The following SLC38A8 variants were observed in gnomAD, a reference collection of about 807,000 sequenced individuals.
SLC38A8 encodes the protein solute carrier family 38 member 8.
SLC38A8 carries 65 observed loss-of-function variants against 46.0 expected under a neutral mutation model. The ratio of observed to expected loss-of-function variants is 1.41; its 90% CI spans 1.16 to 1.74. SLC38A8 has a LOEUF of 1.74. Among genes scored for constraint, SLC38A8 ranks in the 40% most tolerant of loss-of-function variants. The pLI, the probability that SLC38A8 is intolerant of heterozygous loss-of-function variation, is 0.00. For synonymous variants in SLC38A8, 447 were observed against 243.7 expected (o/e 1.83, Z -7.77); for missense variants, 998 against 567.9 (o/e 1.76, Z -7.70).
At chr16:84,021,298 C>T (rs1188391291) in intron 7 of SLC38A8, among the ~76,000 whole-genome samples, 2 of 152,174 alleles carry the variant, frequency 1.3e-5, no homozygotes, top group East Asian at 3.8e-4. Flanking sequence ...ATCCTGACCT[C>T]AAGTGATCCA....
chr16:84,022,879 G>C lies in SLC38A8; in HGVS notation c.701C>G (p.Ala234Gly). 2 of 1,603,902 alleles carry C rather than the reference G, an allele frequency of 1.2e-6. No individual in the cohort carries two copies. The highest frequency in any genetic ancestry group is 1.7e-6 in the Non-Finnish European group (2 of 1,176,016). ...TICFGFQCHE[A>G]AVSIYCSMRK... ...CATGCTGCAGTAGATGGAGACGGCA[G>C]CTTCGTGACACTGTAAGACAGAGGG... The change falls in exon 7 of 11, where the codon GCT becomes GGT. Residue 234 changes from alanine (A) to glycine (G), a missense_variant. Coordinates refer to ENST00000299709, the MANE Select transcript of SLC38A8 (RefSeq NM_001080442.3).
At chr16:84,040,903 G>C (rs931266761) in intron 2 of SLC38A8, among the ~76,000 whole-genome samples, 2 of 152,210 alleles carry the variant, frequency 1.3e-5, no homozygotes, top group East Asian at 3.9e-4. Context: ...CCTAGGCCAG[G>C]CACGGGGCAG....
chr16:84,031,783 G>C (rs2085241701), intron 5 of SLC38A8, 84 bp downstream of exon 5: 24 of 1,174,526 alleles, frequency 2.0e-5, no homozygotes, highest in Non-Finnish European at 2.9e-5. Flanking sequence ...AGCCACGAGA[G>C]GCTCCTCCTC....
At chr16:84,012,342 G>C (rs149847269) in intron 10 of SLC38A8, among the ~76,000 whole-genome samples, 2 of 152,208 alleles carry the variant, frequency 1.3e-5, no homozygotes, top group South Asian at 2.1e-4. Context: ...AGGCTCAGTC[G>C]TGTCTGATCC....
intron 5 of SLC38A8, among the ~76,000 whole-genome samples, chr16:84,031,083 C>T (rs977604464): frequency 1.1e-4 from 16 of 152,130 alleles, no homozygotes; most frequent in East Asian, 1.9e-4. Flanking sequence ...CTCTGTTGCC[C>T]AGGCTGGAGT....
At chr16:84,016,772 C>A (rs777875452) in intron 8 of SLC38A8, 45 bp from the exon 9 acceptor site, 6 of 1,578,040 alleles carry the variant, frequency 3.8e-6, no homozygotes, top group Admixed American at 1.7e-5. Flanking sequence ...CTCAGGGGCA[C>A]CAGCCTCCAC....
chr16:84,009,784 T>A lies in SLC38A8; in HGVS notation c.1308A>T (p.Ter436CysextTer33). Residue 436 changes from the stop codon to cysteine (C), a stop_lost, in exon 11 of 11, where the codon TGA (stop) becomes TGT (cysteine). Coordinates refer to ENST00000299709, the MANE Select transcript of SLC38A8 (RefSeq NM_001080442.3). ...STAAAVWEMF[*>C] ...CTTCCTGCCCGGCACTAGCTGCCCA[T>A]CAGAACATCTCCCAGACCGCTGCCG... is the stretch of plus-strand genomic sequence containing the variant. The A allele has an allele frequency of 1.2e-6, 2 of 1,613,456 alleles. No homozygotes were observed. The highest frequency in any genetic ancestry group is 1.1e-5 in the South Asian group (1 of 91,014).
Position 84,033,397 on chromosome 16 carries a change from G to C in SLC38A8, c.461C>G (p.Pro154Arg). The C allele has an allele frequency of 6.2e-7, 1 of 1,613,958 alleles. No homozygotes were observed. Among genetic ancestry groups the C allele is most frequent in the African/African-American group, 1.3e-5 (1 of 75,052 alleles). Residue 154 changes from proline (P) to arginine (R), a missense_variant, in exon 4 of 11, where the codon CCC (proline) becomes CGC (arginine). Physicochemically the swap from Pro to Arg is moderately radical, Grantham distance 103. Coordinates refer to ENST00000299709, the MANE Select transcript of SLC38A8 (RefSeq NM_001080442.3). Reference protein sequence around the residue: ...PWYADQRFTLPLLSVLVILPL... With the variant: ...PWYADQRFTLRLLSVLVILPL... ...CAGGATGACCAGCACGGAGAGCAGG[G>C]GCAGGGTGAAGCGCTGGTCTGCGTA...
chr16:84,021,064 T>C (rs2085089017), intron 7 of SLC38A8, among the ~76,000 whole-genome samples: 3 of 152,086 alleles, frequency 2.0e-5, no homozygotes, highest in Admixed American at 1.3e-4. Flanking sequence ...CATCCTTTTT[T>C]GCCGGCAGGG....
chr16:84,020,297 C>G (rs1003115117), intron 7 of SLC38A8, among the ~76,000 whole-genome samples: 1 of 152,156 alleles, frequency 6.6e-6, no homozygotes, highest in Non-Finnish European at 1.5e-5. Flanking sequence ...GCTCACACCA[C>G]TATGTTCTGC....
intron 2 of SLC38A8, among the ~76,000 whole-genome samples, chr16:84,040,395 C>T (rs1294183015): frequency 1.3e-5 from 2 of 152,208 alleles, no homozygotes; most frequent in African/African-American, 2.4e-5. Context: ...ACAGCTGTTT[C>T]CCCAGAAGCA....
At position 84,022,952 on chromosome 16, in the gene SLC38A8, A is replaced by T. The variant is rs1026502450; in HGVS notation, c.691-63T>A. On this transcript the variant is annotated intron_variant, in intron 6 of 10. Coordinates refer to ENST00000299709, the MANE Select transcript of SLC38A8 (RefSeq NM_001080442.3). ...CCCCTGGAACAGGCGATGCGAAAAA[A>T]AACTCATATCCAAAAGGCGGGAAAT... 4.9e-6 allele frequency: 6 copies of T among 1,229,754 alleles called. No homozygotes were observed. In the Admixed American group the frequency reaches 8.9e-5, roughly 18 times the overall value. 76.2% of individuals were successfully genotyped at this position (1,229,754 alleles called of 1,614,324 possible).
chr16:84,014,524 G>A (rs1474493245), intron 9 of SLC38A8, among the ~76,000 whole-genome samples: 2 of 152,024 alleles, frequency 1.3e-5, no homozygotes, highest in African/African-American at 2.4e-5. Flanking sequence ...GCCCAAGGGA[G>A]AAGCCACATG....
In SLC38A8 at chr16:84,031,925, T is replaced by G; in HGVS notation, c.574A>C (p.Thr192Pro). Residue 192 changes from threonine to proline, a missense_variant, in exon 5 of 11, where the codon ACC (threonine) becomes CCC (proline). Transcript: ENST00000299709. ...LAACYLALVI[T>P]VQYYLWPQGL... ...TGGGGCCAGAGGTAGTACTGCACGGTGATGACCAGGGCCAGGTAACAGGCA... is the reference window on the plus strand; with the variant it reads ...TGGGGCCAGAGGTAGTACTGCACGGGGATGACCAGGGCCAGGTAACAGGCA... 1.9e-6 allele frequency: 3 copies of G among 1,614,158 alleles called. No individual in the cohort carries two copies. Among genetic ancestry groups the G allele is most frequent in the Non-Finnish European group, 2.5e-6 (3 of 1,180,018 alleles).
At chr16:84,012,878 G>T in intron 10 of SLC38A8, 123 bp downstream of exon 10, 3 of 1,072,430 alleles carry the variant, frequency 2.8e-6, no homozygotes, top group Non-Finnish European at 4.1e-6. Context: ...TCTTCCTGTG[G>T]CTCGCAGGTT....
At chr16:84,010,936 CCGAGGCCACATTTGTGAGCTTCGT>C in intron 10 of SLC38A8, among the ~76,000 whole-genome samples, 1 of 152,200 alleles carries the variant, frequency 6.6e-6, no homozygotes, top group East Asian at 1.9e-4. Flanking sequence ...CTGGCAGCCA[CCGAGGCCACATTTGTGAGCTTCGT>C]CATGTAACCA....
intron 3 of SLC38A8, among the ~76,000 whole-genome samples, chr16:84,033,780 CTCTT>C (rs1597274484): frequency 6.6e-6 from 1 of 152,178 alleles, no homozygotes; most frequent in East Asian, 1.9e-4. Context: ...TGGTGAAAGA[CTCTT>C]TTGGTTTCGT....
At chr16:84,017,075 T>G in intron 8 of SLC38A8, 65 bp downstream of exon 8, 2 of 1,591,518 alleles carry the variant, frequency 1.3e-6, no homozygotes, top group Admixed American at 1.7e-5. Flanking sequence ...ACCTGGTACA[T>G]GCTCAATCAC....
rs187490487 is a variant in SLC38A8 at position 84,019,235 on chromosome 16, C to A, written c.806-1948G>T. 5.5e-4 allele frequency among the ~76,000 whole-genome samples: 84 copies of A among 152,130 alleles called. 2 individuals carry two copies. The highest frequency in any genetic ancestry group is 1.6e-3 in the African/African-American group (67 of 41,488). ...GATTACAGGCACATGTCACCATGCT[C>A]GGCTATATTTTTCTGTTTTTAGTAG... is the stretch of plus-strand genomic sequence containing the variant. On this transcript the variant is annotated intron_variant, in intron 7 of 10. Transcript: ENST00000299709.
Sources: gnomAD v4.1 joint callset for allele counts (sites outside exome capture counted in the v4.1 genomes callset) on GRCh38, gnomAD v4.1.1 for gene constraint, MANE v1.5 for transcripts, NCBI Gene and HGNC (gene_info 2026-07-23, HGNC 2026-07-21) for gene names.